The following GOLGA4 variants were observed in gnomAD, a reference collection of about 807,000 sequenced individuals.
GOLGA4 encodes golgin A4.
In GOLGA4, 169 loss-of-function variants were observed where a neutral mutation model predicts 265.9. The ratio of observed to expected loss-of-function variants is 0.64; its 90% CI spans 0.56 to 0.72. The LOEUF is 0.72. Among genes scored for constraint, GOLGA4 ranks in the 30% least tolerant of loss-of-function variants. GOLGA4 has a pLI of 0.00. For missense variants in GOLGA4, 2,482 were observed against 2,483.4 expected (o/e 1.00, Z 0.01); for synonymous variants, 923 against 855.8 (o/e 1.08, Z -1.37).
intron 2 of GOLGA4, among the ~76,000 whole-genome samples, chr3:37,260,275 A>G (rs143899959): frequency 1.3e-5 from 2 of 152,284 alleles, no homozygotes; most frequent in African/African-American, 4.8e-5. Context: ...AATTGACCCA[A>G]AATCATAAGG....
In GOLGA4 at chr3:37,326,098, TGAA is replaced by T. The variant is rs748127921; in HGVS notation, c.4216_4218del (p.Glu1406del). 2 of 1,613,666 alleles carry T rather than the reference TGAA, an allele frequency of 1.2e-6. No individual in the cohort carries two copies. Among genetic ancestry groups the T allele is most frequent in the South Asian group, 2.2e-5 (2 of 91,044 alleles). Reference sequence around the variant, plus strand: ...TTTCATCACTAAGAAAGCAGTATGATGAAGAAAAATGTGAATTGCTGGATCAGG... The same window carrying T: ...TTTCATCACTAAGAAAGCAGTATGATGAAAAATGTGAATTGCTGGATCAGG... On this transcript the variant is annotated inframe_deletion, in exon 14 of 24. Transcript: ENST00000361924.
chr3:37,363,168 G>A (rs952042562), intron 23 of GOLGA4, among the ~76,000 whole-genome samples: 14 of 152,012 alleles, frequency 9.2e-5, no homozygotes, highest in African/African-American at 2.9e-4. Flanking sequence ...TTGCCTTAGC[G>A]ATTATCCAGA....
chr3:37,243,847 G>T (rs2096710342), intron 1 of GOLGA4: 1 of 564,392 alleles, frequency 1.8e-6, no homozygotes. Flanking sequence ...TGAGTGGATG[G>T]GGGTGGCTGG....
At chr3:37,249,619 G>T (rs1359902885) in intron 1 of GOLGA4, 2 of 151,946 alleles carry the variant, frequency 1.3e-5, no homozygotes, top group Non-Finnish European at 1.5e-5. Flanking sequence ...TGGTGGGAGA[G>T]GATATGTCAT....
intron 10 of GOLGA4, chr3:37,302,914 G>A (rs1033626581): frequency 6.6e-6 from 1 of 152,308 alleles, no homozygotes; most frequent in African/African-American, 2.4e-5. Flanking sequence ...ACTAAAGCTA[G>A]GAAAGGAGGG....
intron 7 of GOLGA4, among the ~76,000 whole-genome samples, chr3:37,296,612 C>T (rs1488580351): frequency 6.6e-6 from 1 of 152,042 alleles, no homozygotes; most frequent in Admixed American, 6.5e-5. Flanking sequence ...ACTCTATTGC[C>T]TAGGCTGGAG....
At chr3:37,331,154 A>G (rs898550890) in intron 16 of GOLGA4, among the ~76,000 whole-genome samples, 23 of 152,298 alleles carry the variant, frequency 1.5e-4, no homozygotes, top group African/African-American at 4.6e-4. Context: ...TATGCTACCA[A>G]TGCGATATAA....
At chr3:37,246,345 T>C (rs2096719580) in intron 1 of GOLGA4, among the ~76,000 whole-genome samples, 1 of 152,082 alleles carries the variant, frequency 6.6e-6, no homozygotes, top group African/African-American at 2.4e-5. Flanking sequence ...AACAAATACC[T>C]ATTTTGGATT....
chr3:37,330,370 A>G (rs2096986141), intron 16 of GOLGA4, among the ~76,000 whole-genome samples: 1 of 152,312 alleles, frequency 6.6e-6, no homozygotes, highest in Non-Finnish European at 1.5e-5. Flanking sequence ...TTTATCATGG[A>G]TAATTAAGTC....
intron 7 of GOLGA4, among the ~76,000 whole-genome samples, chr3:37,297,775 C>A (rs2150849958): frequency 6.6e-6 from 1 of 152,198 alleles, no homozygotes; most frequent in East Asian, 1.9e-4. Flanking sequence ...ACCTGTAATC[C>A]CAACACTTTG....
intron 22 of GOLGA4, among the ~76,000 whole-genome samples, chr3:37,359,815 C>G (rs1011933965): frequency 6.6e-6 from 1 of 152,180 alleles, no homozygotes; most frequent in African/African-American, 2.4e-5. Context: ...CCCTTTCCCT[C>G]TGCATGGGCT....
rs1219575599 is a variant in GOLGA4 at position 37,328,918 on chromosome 3, C to G, written c.6062-45C>G. 8.2e-6 allele frequency: 12 copies of G among 1,466,930 alleles called. No individual in the cohort carries two copies. The Middle Eastern group carries it at 1.9e-3, about 227-fold the overall frequency. 90.9% of individuals were successfully genotyped at this position (1,466,930 alleles called of 1,614,324 possible). ...TGAAATTGAGATACAAATATTAACT[C>G]TTGACTAATGTGTTTTCTTGTGTGT... is the stretch of plus-strand genomic sequence containing the variant. On this transcript the variant is annotated intron_variant, in intron 15 of 23. Transcript: ENST00000361924.
chr3:37,344,459 C>T lies in GOLGA4; in HGVS notation c.6473-2734C>T, dbSNP rs117451579. Among the ~76,000 whole-genome samples, 24 of 150,416 alleles carry T rather than the reference C, an allele frequency of 1.6e-4. No individual in the cohort carries two copies. In the East Asian group the frequency reaches 2.7e-3, roughly 17 times the overall value. On this transcript the variant is annotated intron_variant, in intron 20 of 23. Coordinates refer to ENST00000361924, the MANE Select transcript of GOLGA4 (RefSeq NM_002078.5). ...CTACCTCTAGTGTGTTTCATTGATC[C>T]GTTTGTCTATGCCTGCTCTAATACC...
In GOLGA4 at chr3:37,337,180, T is replaced by C. The variant is rs1454420636; in HGVS notation, c.6327+17T>C. On this transcript the variant is annotated intron_variant, in intron 18 of 23. Coordinates refer to ENST00000361924, the MANE Select transcript of GOLGA4 (RefSeq NM_002078.5). ...GAGCTACAGGTAAGGCTAGTTCTTCTTTTTTTTTTTTTCTTTTTTTTCTTT... is the reference window on the plus strand; with the variant it reads ...GAGCTACAGGTAAGGCTAGTTCTTCCTTTTTTTTTTTTCTTTTTTTTCTTT... 5.1e-6 allele frequency: 3 copies of C among 593,446 alleles called. No individual in the cohort carries two copies. The highest frequency in any genetic ancestry group is 4.5e-5 in the African/African-American group (2 of 44,436). The allele number at this position is 593,446 out of a possible 1,614,324, so 36.8% of individuals were successfully genotyped here. A position where few individuals can be genotyped will look rare whatever the true frequency, so the allele number is the denominator to read the frequency against.
At chr3:37,246,062 C>T (rs1186103053) in intron 1 of GOLGA4, among the ~76,000 whole-genome samples, 1 of 151,852 alleles carries the variant, frequency 6.6e-6, no homozygotes, top group Admixed American at 6.6e-5. Flanking sequence ...GGCAAAATCC[C>T]ATTTCTGGCC....
chr3:37,308,054 T>G (rs1480619899), intron 10 of GOLGA4, among the ~76,000 whole-genome samples: 10 of 151,870 alleles, frequency 6.6e-5, no homozygotes, highest in Non-Finnish European at 8.8e-5. Context: ...GCCAACATGG[T>G]AAACCCCATC....
chr3:37,249,223 A>G (rs2096727484), intron 1 of GOLGA4, among the ~76,000 whole-genome samples: 1 of 152,170 alleles, frequency 6.6e-6, no homozygotes, highest in Admixed American at 6.5e-5. Context: ...ATGTTCTTTG[A>G]ACATTTGTAA....
chr3:37,316,725 C>T (rs2096938585), intron 11 of GOLGA4, among the ~76,000 whole-genome samples: 1 of 151,986 alleles, frequency 6.6e-6, no homozygotes, highest in Non-Finnish European at 1.5e-5. Context: ...TTCCCATTTT[C>T]CCAAAGAAAA....
Position 37,298,917 on chromosome 3 carries a change from A to G in GOLGA4, c.899A>G (p.Glu300Gly), listed in dbSNP as rs780149741. 1 of 1,613,608 alleles carries G rather than the reference A, an allele frequency of 6.2e-7. No homozygotes were observed. Among genetic ancestry groups the G allele is most frequent in the African/African-American group, 1.3e-5 (1 of 75,056 alleles). The stretch of plus-strand genomic sequence containing the variant: ...GAGAACCTACTTAAGCGTTGTAAGG[A>G]AACAATTCAGTCACATAAGGAACAA... Reference protein sequence around the residue: ...RQENLLKRCKETIQSHKEQCT... With the variant: ...RQENLLKRCKGTIQSHKEQCT... Residue 300 changes from glutamate to glycine, a missense_variant, in exon 8 of 24, where the codon GAA becomes GGA. Coordinates refer to ENST00000361924, the MANE Select transcript of GOLGA4 (RefSeq NM_002078.5).
Sources: gnomAD v4.1 joint callset for allele counts (sites outside exome capture counted in the v4.1 genomes callset) on GRCh38, gnomAD v4.1.1 for gene constraint, MANE v1.5 for transcripts, NCBI Gene and HGNC (gene_info 2026-07-23, HGNC 2026-07-21) for gene names.